Variants in MLXIP observed in about 807,000 individuals in gnomAD.
The protein encoded by MLXIP is MLX interacting protein, also known as MLX-interacting protein.
Under a neutral mutation model 87.2 loss-of-function variants are expected in MLXIP, and 30 were observed. The ratio of observed to expected loss-of-function variants is 0.34; its 90% CI spans 0.26 to 0.47. The LOEUF is 0.47. MLXIP is among the 20% of genes least tolerant of loss of function. The pLI is 1.00. For synonymous variants in MLXIP, 530 were observed against 514.0 expected (o/e 1.03, Z -0.42); for missense variants, 1,002 against 1,240.1 (o/e 0.81, Z 2.88).
chr12:122,141,302 A>G (rs548824288), intron 16 of MLXIP, among the ~76,000 whole-genome samples: 3 of 152,274 alleles, frequency 2.0e-5, no homozygotes, highest in East Asian at 3.9e-4. Context: ...CCCAGCTTGC[A>G]TGGATCTAGT....
intron 1 of MLXIP, among the ~76,000 whole-genome samples, chr12:122,114,002 T>G (rs1242675385): frequency 1.4e-5 from 2 of 142,424 alleles, no homozygotes; most frequent in Non-Finnish European, 3.0e-5. Context: ...TTTTTTTTTT[T>G]GAGACAGCAT....
Position 122,141,871 on chromosome 12 carries a change from A to G in MLXIP, c.*59A>G. The G allele has an allele frequency of 6.3e-7, 1 of 1,596,450 alleles. No individual in the cohort carries two copies. The highest frequency in any genetic ancestry group is 8.5e-7 in the Non-Finnish European group (1 of 1,172,138). ...AGGAGACCCTTCCCTGCCCATGGAG[A>G]GTAGGCTGCGCCCCCCAGCCCTTCC... On this transcript the variant is annotated 3_prime_UTR_variant, in exon 17 of 17. Coordinates refer to ENST00000319080, the MANE Select transcript of MLXIP (RefSeq NM_014938.6).
At chr12:122,112,836 A>G (rs970893761) in intron 1 of MLXIP, among the ~76,000 whole-genome samples, 1 of 152,184 alleles carries the variant, frequency 6.6e-6, no homozygotes, top group Non-Finnish European at 1.5e-5. Context: ...TCATTCCACC[A>G]AATAAATCCT....
chr12:122,098,480 T>C (rs1952389563), intron 1 of MLXIP, among the ~76,000 whole-genome samples: 1 of 152,150 alleles, frequency 6.6e-6, no homozygotes. Context: ...AATATATCAG[T>C]GAGACTTAAA....
At chr12:122,126,553 A>G (rs7485054) in intron 1 of MLXIP, among the ~76,000 whole-genome samples, 76,268 of 151,418 alleles carry the variant, frequency 0.5, 19,652 homozygotes, top group Middle Eastern at 0.64. Context: ...CCCTGCAGGC[A>G]CTCAGGCCAG....
chr12:122,133,437 G>A lies in MLXIP; in HGVS notation c.1182G>A (p.Met394Ile). ...APPTAPSLAH[M>I]DEQGCEHTSR... ...CTACCGCCCCATCCCTGGCTCACATGGATGAGCAGGGCTGTGAACACACCT... is the reference window on the plus strand; with the variant it reads ...CTACCGCCCCATCCCTGGCTCACATAGATGAGCAGGGCTGTGAACACACCT... Residue 394 changes from methionine to isoleucine, a missense_variant, in exon 9 of 17, where the codon ATG (methionine) becomes ATA (isoleucine). Around this residue, in one of 3 missense-constraint regions of MLXIP, gnomAD observed 746 missense variants for 897.0 expected, o/e 0.83. Transcript: ENST00000319080. This position sits in a 1 kb window ranked among gnomAD's most constrained non-coding sequence, Gnocchi z 4.9. 6.2e-7 allele frequency: 1 copy of A among 1,612,798 alleles called. No individual in the cohort carries two copies. The highest frequency in any genetic ancestry group is 8.5e-7 in the Non-Finnish European group (1 of 1,179,374).
chr12:122,085,434 C>T (rs1390859938), intron 1 of MLXIP, among the ~76,000 whole-genome samples: 1 of 150,014 alleles, frequency 6.7e-6, no homozygotes, highest in Non-Finnish European at 1.5e-5. Flanking sequence ...GATGGAGTCT[C>T]GCTCTGTCGC....
chr12:122,127,112 G>C, intron 1 of MLXIP, 144 bp from the exon 2 acceptor site: 1 of 712,612 alleles, frequency 1.4e-6, no homozygotes, highest in Non-Finnish European at 2.5e-6. Flanking sequence ...AAATCCCCCA[G>C]TGACCTGAAT....
At chr12:122,098,030 G>A (rs1366053343) in intron 1 of MLXIP, among the ~76,000 whole-genome samples, 2 of 152,256 alleles carry the variant, frequency 1.3e-5, no homozygotes, top group Non-Finnish European at 2.9e-5. Context: ...CAGCCTACCA[G>A]AGACTGTATT....
chr12:122,128,972 C>A, intron 3 of MLXIP, 165 bp from the exon 4 acceptor site: 1 of 637,034 alleles, frequency 1.6e-6, no homozygotes, highest in South Asian at 1.8e-5. Flanking sequence ...TCTGCTATAG[C>A]ATGGAAGAAG....
chr12:122,083,835 A>C (rs993114279), intron 1 of MLXIP, among the ~76,000 whole-genome samples: 4 of 152,244 alleles, frequency 2.6e-5, no homozygotes, highest in Non-Finnish European at 5.9e-5. Flanking sequence ...TCTAATGCTA[A>C]GCACAGTTAA....
At chr12:122,092,402 G>A (rs1177320279) in intron 1 of MLXIP, among the ~76,000 whole-genome samples, 1 of 152,064 alleles carries the variant, frequency 6.6e-6, no homozygotes, top group Non-Finnish European at 1.5e-5. Flanking sequence ...CCCAGTCAAG[G>A]TAGTTTTTTT....
intron 16 of MLXIP, 171 bp from the exon 17 acceptor site, chr12:122,141,520 G>A: frequency 1.5e-6 from 1 of 655,028 alleles, no homozygotes; most frequent in Non-Finnish European, 1.9e-6. Flanking sequence ...AGGCAGAGGG[G>A]TGAGTGCCCA....
Position 122,078,782 on chromosome 12 carries a change from G to T in MLXIP, c.-72G>T. 3 of 1,018,720 alleles carry T rather than the reference G, an allele frequency of 2.9e-6. No individual in the cohort carries two copies. Among genetic ancestry groups the T allele is most frequent in the African/African-American group, 1.8e-5 (1 of 57,130 alleles). 63.1% of individuals were successfully genotyped at this position (1,018,720 alleles called of 1,614,324 possible). A position where few individuals can be genotyped will look rare whatever the true frequency, so the allele number is the denominator to read the frequency against. On this transcript the variant is annotated 5_prime_UTR_variant, in exon 1 of 17. Coordinates refer to ENST00000319080, the MANE Select transcript of MLXIP (RefSeq NM_014938.6). ...GTCGGCGCGCGGGCCGGGCCGGGCC[G>T]GCGCCCCTCTGCCTCGCGCGCTTGT...
chr12:122,110,431 G>A (rs1952586878), intron 1 of MLXIP, among the ~76,000 whole-genome samples: 1 of 152,004 alleles, frequency 6.6e-6, no homozygotes, highest in Non-Finnish European at 1.5e-5. Flanking sequence ...GGGATTACAG[G>A]TATGTGCCAC....
chr12:122,100,609 A>T (rs1952422500), intron 1 of MLXIP, among the ~76,000 whole-genome samples: 1 of 152,170 alleles, frequency 6.6e-6, no homozygotes, highest in Non-Finnish European at 1.5e-5. Context: ...CTTTCTCATG[A>T]GTTAGGTTTT....
intron 3 of MLXIP, 93 bp from the exon 4 acceptor site, chr12:122,129,044 G>A: frequency 9.7e-7 from 1 of 1,029,850 alleles, no homozygotes; most frequent in Non-Finnish European, 1.5e-6. Flanking sequence ...ATTGCCTAAG[G>A]CCTGATTATA....
In MLXIP at chr12:122,135,490, C is replaced by G. The variant is rs1953071878; in HGVS notation, c.1856C>G (p.Ala619Gly). Reference protein sequence around the residue: ...VVIAPAAIARAPGVPEFHSSI... With the variant: ...VVIAPAAIARGPGVPEFHSSI... The stretch of plus-strand genomic sequence containing the variant: ...GACCTGTCTCCCATGTCACTGCAGG[C>G]TCCTGGGGTCCCGGAGTTCCACAGC... The change falls in exon 11 of 17, where the codon GCT becomes GGT. Residue 619 changes from alanine to glycine, a missense_variant and splice_region_variant. Physicochemically the swap from Ala to Gly is moderately conservative, Grantham distance 60. Transcript: ENST00000319080. The surrounding 1 kb of genome is among the most constrained non-coding windows in gnomAD (Gnocchi z 5.3). 6.2e-7 allele frequency: 1 copy of G among 1,609,452 alleles called. No homozygotes were observed. Among genetic ancestry groups the G allele is most frequent in the South Asian group, 1.1e-5 (1 of 90,308 alleles).
At chr12:122,117,168 C>T (rs1295441030) in intron 1 of MLXIP, among the ~76,000 whole-genome samples, 7 of 152,326 alleles carry the variant, frequency 4.6e-5, no homozygotes, top group Middle Eastern at 3.4e-3. Flanking sequence ...CCAGCCTTCC[C>T]GCCACAGCCC....
Sources: allele counts gnomAD v4.1 joint callset (sites outside exome capture counted in the v4.1 genomes callset), GRCh38; gene constraint gnomAD v4.1.1; regional missense constraint gnomAD v4.1.1; non-coding constraint Gnocchi (gnomAD v3.1); transcripts MANE v1.5; gene names NCBI Gene and HGNC (gene_info 2026-07-23, HGNC 2026-07-21).